Variants in DNAH12 observed in about 807,000 individuals in gnomAD.
DNAH12 encodes dynein axonemal heavy chain 12.
In DNAH12, 285 loss-of-function variants were observed where a neutral mutation model predicts 371.5. The observed-to-expected ratio is 0.77, with a 90% CI of 0.70 to 0.85. DNAH12 has a LOEUF of 0.85. Among genes scored for constraint, DNAH12 ranks in the 40% least tolerant of loss-of-function variants. DNAH12 has a pLI of 0.00. For missense variants in DNAH12, 3,611 were observed against 3,689.4 expected (o/e 0.98, Z 0.55); for synonymous variants, 1,200 against 1,213.0 (o/e 0.99, Z 0.22).
chr3:57,295,464 G>A, intron 73 of DNAH12, 61 bp downstream of exon 73: 2 of 1,433,458 alleles, frequency 1.4e-6, no homozygotes, highest in East Asian at 2.5e-5. Context: ...GGGGAGCAGT[G>A]TATAATATCC....
At chr3:57,412,981 T>A (rs1485654906) in intron 39 of DNAH12, among the ~76,000 whole-genome samples, 1 of 152,224 alleles carries the variant, frequency 6.6e-6, no homozygotes, top group African/African-American at 2.4e-5. Flanking sequence ...GTAAAACCTA[T>A]GCACAAATGT....
At chr3:57,448,304 T>A (rs944480759) in intron 25 of DNAH12, among the ~76,000 whole-genome samples, 1 of 152,114 alleles carries the variant, frequency 6.6e-6, no homozygotes, top group Non-Finnish European at 1.5e-5. Context: ...GCTGCAGACC[T>A]TCACAGTGAG....
At chr3:57,506,566 T>C (rs2067766618) in intron 8 of DNAH12, among the ~76,000 whole-genome samples, 1 of 152,134 alleles carries the variant, frequency 6.6e-6, no homozygotes, top group Non-Finnish European at 1.5e-5. Context: ...CTCAGCCTCC[T>C]GAGTGGCTGA....
chr3:57,343,363 A>G (rs1359824153), intron 60 of DNAH12, among the ~76,000 whole-genome samples: 1 of 152,220 alleles, frequency 6.6e-6, no homozygotes, highest in Non-Finnish European at 1.5e-5. Context: ...TGGAGCTCAC[A>G]AAAACATGTG....
rs1349544071 is a variant in DNAH12 at position 57,530,615 on chromosome 3, C to A, written c.171-6731G>T. 5.2e-6 allele frequency: 3 copies of A among 577,806 alleles called. No homozygotes were observed. The African/African-American group carries it at 5.6e-5, about 11-fold the overall frequency. 35.8% of individuals were successfully genotyped at this position (577,806 alleles called of 1,614,324 possible). A position where few individuals can be genotyped will look rare whatever the true frequency, so the allele number is the denominator to read the frequency against. ...TGGCCCCCTTCTTGCAGCCCAGGGA[C>A]AATGTATAGTGGGATTTTCACCACT... On this transcript the variant is annotated intron_variant, in intron 2 of 73. Transcript: ENST00000495027.
chr3:57,366,980 T>A (rs2063064483), intron 56 of DNAH12, 59 bp from the exon 57 acceptor site: 1 of 152,248 alleles, frequency 6.6e-6, no homozygotes, highest in Non-Finnish European at 1.5e-5. Flanking sequence ...CCTCATGCTA[T>A]GTACTTCTAT....
chr3:57,458,354 T>C, intron 20 of DNAH12, 134 bp from the exon 21 acceptor site: 7 of 1,205,728 alleles, frequency 5.8e-6, no homozygotes, highest in Non-Finnish European at 7.6e-6. Flanking sequence ...GTTTATAAAA[T>C]TTGCAATGAA....
Position 57,314,614 on chromosome 3 carries a change from C to T in DNAH12, c.10542G>A (p.Leu3514=), listed in dbSNP as rs1441795868. The change falls in exon 66 of 74, where the codon CTG becomes CTA. Residue 3514 remains leucine (L), a synonymous_variant. Coordinates refer to ENST00000495027, the MANE Select transcript of DNAH12 (RefSeq NM_001366028.2). ...RGKELAWEKL[L]FGVCFFHALV... is the part of the protein sequence containing the mutation. The stretch of plus-strand genomic sequence containing the variant: ...GGGCATGAAAAAAACAAACTCCAAA[C>T]AGTAACTTCTCCCAGGCCTTTAATA... 9 of 1,546,998 alleles carry T rather than the reference C, an allele frequency of 5.8e-6. No individual in the cohort carries two copies. Among genetic ancestry groups the T allele is most frequent in the Non-Finnish European group, 7.9e-6 (9 of 1,146,046 alleles).
chr3:57,539,863 G>A (rs993621793), intron 2 of DNAH12, among the ~76,000 whole-genome samples: 3 of 151,820 alleles, frequency 2.0e-5, no homozygotes, highest in Admixed American at 6.6e-5. Context: ...TGATCTGCCC[G>A]CCTCAGCCTC....
In DNAH12 at chr3:57,508,526, G is replaced by C. The variant is rs759832132; in HGVS notation, c.557C>G (p.Ser186Cys). The C allele has an allele frequency of 1.9e-6, 3 of 1,611,498 alleles. No individual in the cohort carries two copies. The East Asian group carries it at 6.7e-5, about 36-fold the overall frequency. ...LPESPVGLDY[S>C]NPWHSSYVQA... ...CACATAGCTAGAATGCCAAGGATTA[G>C]AATAATCTAGGCCTCTGGAAAAGCA... is the stretch of plus-strand genomic sequence containing the variant. The change falls in exon 7 of 74, where the codon TCT (serine) becomes TGT (cysteine). Residue 186 changes from serine (S) to cysteine (C), a missense_variant. Physicochemically the swap from Ser to Cys is moderately radical, Grantham distance 112 (BLOSUM62 -1). Transcript: ENST00000495027.
Position 57,489,546 on chromosome 3 carries a change from T to C in DNAH12, c.1477A>G (p.Asn493Asp). 1.3e-6 allele frequency: 2 copies of C among 1,521,822 alleles called. No homozygotes were observed. The highest frequency in any genetic ancestry group is 1.8e-6 in the Non-Finnish European group (2 of 1,139,098). 94.3% of individuals were successfully genotyped at this position (1,521,822 alleles called of 1,614,324 possible). The change falls in exon 12 of 74, where the codon AAT (asparagine) becomes GAT (aspartate). Residue 493 changes from asparagine to aspartate, a missense_variant. Coordinates refer to ENST00000495027, the MANE Select transcript of DNAH12 (RefSeq NM_001366028.2). ...KAKAFANILL[N>D]DIASKYRKEN... ...TTTCTATATTTTGAAGCTATGTCAT[T>C]TAATAATATGTTTGCAAAGGCTTTT...
intron 63 of DNAH12, 69 bp from the exon 64 acceptor site, chr3:57,323,329 G>A (rs2153295145): frequency 6.7e-7 from 1 of 1,491,164 alleles, no homozygotes; most frequent in East Asian, 2.5e-5. Context: ...TTATGTATAG[G>A]TGTTTTATCA....
intron 14 of DNAH12, 129 bp from the exon 15 acceptor site, chr3:57,471,735 G>C: frequency 1.4e-6 from 1 of 727,360 alleles, no homozygotes. Flanking sequence ...ATAAAACAAT[G>C]CCTATAATTA....
chr3:57,467,049 G>C (rs189040689), intron 17 of DNAH12, among the ~76,000 whole-genome samples: 1 of 151,894 alleles, frequency 6.6e-6, no homozygotes, highest in Admixed American at 6.6e-5. Flanking sequence ...GGTGTCATCC[G>C]CTATACCCAG....
At chr3:57,499,696 A>G (rs2067464887) in intron 11 of DNAH12, among the ~76,000 whole-genome samples, 1 of 129,346 alleles carries the variant, frequency 7.7e-6, no homozygotes, top group South Asian at 2.6e-4. Context: ...AAAATTAGCC[A>G]GGCATGGAGG....
At chr3:57,322,189 CAAGAT>C (rs1354511016) in intron 65 of DNAH12, among the ~76,000 whole-genome samples, 149 bp downstream of exon 65, 1 of 152,050 alleles carries the variant, frequency 6.6e-6, no homozygotes, top group Non-Finnish European at 1.5e-5. Flanking sequence ...AAATGGTGAA[CAAGAT>C]AAGTACAATT....
At chr3:57,432,329 C>G (rs1575593173) in intron 32 of DNAH12, among the ~76,000 whole-genome samples, 1 of 126,360 alleles carries the variant, frequency 7.9e-6, no homozygotes, top group Admixed American at 8.4e-5. Flanking sequence ...GCCACCACAC[C>G]CAGCTAATTT....
At chr3:57,339,185 C>G (rs928482135) in intron 60 of DNAH12, among the ~76,000 whole-genome samples, 1 of 152,038 alleles carries the variant, frequency 6.6e-6, no homozygotes, top group Admixed American at 6.5e-5. Context: ...GCAGCATGCT[C>G]GTTAAGAGTC....
chr3:57,397,612 A>G (rs2063772153), intron 43 of DNAH12, among the ~76,000 whole-genome samples: 1 of 152,228 alleles, frequency 6.6e-6, no homozygotes. Flanking sequence ...GGCAGGCACC[A>G]GGGAGAGCAA....
Sources: gnomAD v4.1 joint callset for allele counts (sites outside exome capture counted in the v4.1 genomes callset) on GRCh38, gnomAD v4.1.1 for gene constraint, MANE v1.5 for transcripts, NCBI Gene and HGNC (gene_info 2026-07-23, HGNC 2026-07-21) for gene names.